Variants in MFF observed in about 807,000 individuals in gnomAD.
The protein encoded by MFF is mitochondrial fission factor.
A neutral mutation model predicts 36.9 loss-of-function variants in MFF; 12 were observed. The observed-to-expected ratio is 0.33, with a 90% confidence interval of 0.21 to 0.53. The LOEUF (loss-of-function observed/expected upper bound fraction) is 0.53. Among genes scored for constraint, MFF ranks in the 20% least tolerant of loss-of-function variants. The probability of loss-of-function intolerance (pLI) is 0.95; values close to 1 mark genes in which losing one functional copy is unlikely to be tolerated. For synonymous variants in MFF, 99 were observed against 126.2 expected (o/e 0.78, Z 1.44); for missense variants, 348 against 366.6 (o/e 0.95, Z 0.42).
intron 5 of MFF, 193 bp from the exon 6 acceptor site, chr2:227,347,033 A>G: frequency 2.0e-6 from 1 of 506,648 alleles, no homozygotes; most frequent in Admixed American, 3.2e-5. Context: ...ACAAAGTTAT[A>G]AGTGCTGCCT....
intron 7 of MFF, chr2:227,355,235 T>C (rs1232431168): frequency 6.6e-6 from 1 of 152,486 alleles, no homozygotes; most frequent in African/African-American, 2.4e-5. Flanking sequence ...TGATGAGTCT[T>C]TCTTTTTTTA....
At chr2:227,327,926 C>A (rs1203184201) in intron 1 of MFF, among the ~76,000 whole-genome samples, 1 of 152,156 alleles carries the variant, frequency 6.6e-6, no homozygotes, top group African/African-American at 2.4e-5. Context: ...TGGAATGATG[C>A]ACAAAAATTG....
At chr2:227,328,591 C>G (rs902627438) in intron 1 of MFF, 87 bp from the exon 2 acceptor site, 1 of 152,102 alleles carries the variant, frequency 6.6e-6, no homozygotes, top group Non-Finnish European at 1.5e-5. Flanking sequence ...ATCTTTGTGA[C>G]TGTTACTATT....
chr2:227,330,840 G>A lies in MFF; in HGVS notation c.175G>A (p.Val59Ile), dbSNP rs748292502. ...VIMQVPERIV[V>I]AGNNEDVSFS... ...AATGCAAGTTCCGGAGAGGATTGTT[G>A]TAGCAGGTATTTCACCTTTACTTAG... The change falls in exon 3 of 9, where the codon GTA (valine) becomes ATA (isoleucine). Residue 59 changes from valine to isoleucine, a missense_variant. Physicochemically the swap from Val to Ile is conservative, Grantham distance 29. Coordinates refer to ENST00000304593, the MANE Select transcript of MFF (RefSeq NM_001277062.2). The A allele has an allele frequency of 1.2e-6, 2 of 1,613,310 alleles. No homozygotes were observed. The highest frequency in any genetic ancestry group is 1.1e-5 in the South Asian group (1 of 91,060).
chr2:227,332,072 C>T (rs1010407529), intron 3 of MFF, among the ~76,000 whole-genome samples: 3 of 141,918 alleles, frequency 2.1e-5, no homozygotes, highest in East Asian at 2.1e-4. Flanking sequence ...CCCGGGTTCA[C>T]GCCATTCTCC....
intron 5 of MFF, chr2:227,346,272 CTTGACG>C (rs1273873512): frequency 6.0e-6 from 1 of 167,004 alleles, no homozygotes; most frequent in East Asian, 1.9e-4. Flanking sequence ...TTAGTTTTGC[CTTGACG>C]TTGAGAATGT....
At chr2:227,331,298 T>C (rs1256902177) in intron 3 of MFF, among the ~76,000 whole-genome samples, 1 of 152,226 alleles carries the variant, frequency 6.6e-6, no homozygotes, top group Non-Finnish European at 1.5e-5. Context: ...CTCTTATCTG[T>C]CTTCTTTTGT....
At chr2:227,340,437 G>C in intron 5 of MFF, 57 bp downstream of exon 5, 1 of 1,274,204 alleles carries the variant, frequency 7.8e-7, no homozygotes, top group Admixed American at 2.0e-5. Context: ...GATATTTTCT[G>C]TACCCATGTT....
chr2:227,326,009 T>A (rs1421313113), intron 1 of MFF, among the ~76,000 whole-genome samples: 1 of 152,142 alleles, frequency 6.6e-6, no homozygotes, highest in South Asian at 2.1e-4. Flanking sequence ...CTGCAGGCAG[T>A]TGCTCTCGGG....
intron 6 of MFF, among the ~76,000 whole-genome samples, chr2:227,351,088 A>G (rs1454734673): frequency 6.6e-6 from 1 of 152,210 alleles, no homozygotes; most frequent in Non-Finnish European, 1.5e-5. Flanking sequence ...TAGGAAGCAC[A>G]CAGTGATGGC....
chr2:227,335,069 G>T (rs1355802465), intron 4 of MFF, among the ~76,000 whole-genome samples: 2 of 151,872 alleles, frequency 1.3e-5, no homozygotes, highest in Admixed American at 6.6e-5. Flanking sequence ...TACTCTGGAG[G>T]GGGAGGCAGG....
chr2:227,347,101 G>A (rs1574971291), intron 5 of MFF, 125 bp from the exon 6 acceptor site: 2 of 702,506 alleles, frequency 2.8e-6, no homozygotes, highest in South Asian at 2.1e-5. Flanking sequence ...TTTCTTGTGG[G>A]GAGAGTGAAG....
intron 4 of MFF, among the ~76,000 whole-genome samples, chr2:227,338,839 A>G (rs1231223670): frequency 7.6e-6 from 1 of 130,840 alleles, no homozygotes; most frequent in Non-Finnish European, 1.8e-5. Context: ...TGTCTCAAAA[A>G]AAAACAAAAA....
chr2:227,328,076 GA>G (rs1559940525), intron 1 of MFF, among the ~76,000 whole-genome samples: 2 of 152,090 alleles, frequency 1.3e-5, no homozygotes, highest in African/African-American at 4.8e-5. Flanking sequence ...GTAAGTGAAT[GA>G]AAATTTAAAC....
In MFF at chr2:227,356,966, T is replaced by C; in HGVS notation, c.745-20T>C. 1 of 1,570,518 alleles carries C rather than the reference T, an allele frequency of 6.4e-7. No homozygotes were observed. The highest frequency in any genetic ancestry group is 8.7e-7 in the Non-Finnish European group (1 of 1,152,394). On this transcript the variant is annotated intron_variant, in intron 8 of 8. Transcript: ENST00000304593. ...TAAAGCCTCTATATTATATTTTTTGTGTGTTTGTTTTTCACTTAGATAATC... is the reference window on the plus strand; with the variant it reads ...TAAAGCCTCTATATTATATTTTTTGCGTGTTTGTTTTTCACTTAGATAATC...
At chr2:227,326,922 A>G (rs889726354) in intron 1 of MFF, among the ~76,000 whole-genome samples, 6 of 152,294 alleles carry the variant, frequency 3.9e-5, no homozygotes, top group African/African-American at 1.4e-4. Flanking sequence ...AATACAGAAA[A>G]TGAGAAAGTT....
intron 8 of MFF, 32 bp downstream of exon 8, chr2:227,355,793 C>G (rs73090113): frequency 7.7e-7 from 1 of 1,298,628 alleles, no homozygotes; most frequent in African/African-American, 1.5e-5. Context: ...ATATATTTCT[C>G]AGTTATATTC....
At chr2:227,337,257 G>T (rs534317151) in intron 4 of MFF, among the ~76,000 whole-genome samples, 1 of 152,202 alleles carries the variant, frequency 6.6e-6, no homozygotes, top group African/African-American at 2.4e-5. Context: ...CCCAAAACCC[G>T]CAGTCACTGG....
chr2:227,340,655 CT>C, intron 5 of MFF: 1 of 306,620 alleles, frequency 3.3e-6, no homozygotes, highest in South Asian at 4.8e-5. Context: ...TTCTAATGAG[CT>C]ATGTTAAACA....
Sources: allele counts gnomAD v4.1 joint callset (sites outside exome capture counted in the v4.1 genomes callset), GRCh38; gene constraint gnomAD v4.1.1; transcripts MANE v1.5; gene names NCBI Gene and HGNC (gene_info 2026-07-23, HGNC 2026-07-21).